The following MAP3K20 variants were observed in gnomAD, a reference collection of about 807,000 sequenced individuals.
MAP3K20 encodes HCCS-4.
In MAP3K20, 40 loss-of-function variants were observed where a neutral mutation model predicts 85.7. The observed-to-expected ratio is 0.47, with a 90% CI of 0.36 to 0.61. The LOEUF is 0.61. Ranked by LOEUF, MAP3K20 falls within the 20% of genes least tolerant of loss-of-function variation. The probability of loss-of-function intolerance (pLI) is 0.00; values close to 1 mark genes in which losing one functional copy is unlikely to be tolerated. For missense variants in MAP3K20, 817 were observed against 961.7 expected (o/e 0.85, Z 1.99); for synonymous variants, 325 against 327.7 (o/e 0.99, Z 0.09).
intron 2 of MAP3K20, among the ~76,000 whole-genome samples, chr2:173,135,930 A>T (rs1688787220): frequency 6.6e-6 from 1 of 152,226 alleles, no homozygotes; most frequent in African/African-American, 2.4e-5. Flanking sequence ...TAGCATATAG[A>T]TTATTAGACT....
chr2:173,162,352 T>C (rs1221476403), intron 2 of MAP3K20, among the ~76,000 whole-genome samples: 1 of 152,042 alleles, frequency 6.6e-6, no homozygotes, highest in East Asian at 1.9e-4. Flanking sequence ...CTCTTCTTTC[T>C]CTTACTGCCA....
intron 2 of MAP3K20, among the ~76,000 whole-genome samples, chr2:173,126,709 C>G (rs919135274): frequency 6.6e-6 from 1 of 152,148 alleles, no homozygotes; most frequent in Non-Finnish European, 1.5e-5. Flanking sequence ...AGAGAATATG[C>G]ATTTCTTATT....
chr2:173,113,838 A>G (rs1293843624), intron 2 of MAP3K20, among the ~76,000 whole-genome samples: 2 of 152,094 alleles, frequency 1.3e-5, no homozygotes, highest in Non-Finnish European at 2.9e-5. Flanking sequence ...AGTTCCATAC[A>G]CTGTTGAATA....
At chr2:173,094,646 C>T (rs1467518238) in intron 2 of MAP3K20, among the ~76,000 whole-genome samples, 1 of 152,082 alleles carries the variant, frequency 6.6e-6, no homozygotes, top group African/African-American at 2.4e-5. Flanking sequence ...TGTATAATGT[C>T]CCTCATTTGG....
At chr2:173,187,395 A>C (rs1245797267) in intron 4 of MAP3K20, among the ~76,000 whole-genome samples, 163 bp from the exon 5 acceptor site, 2 of 152,204 alleles carry the variant, frequency 1.3e-5, no homozygotes, top group African/African-American at 2.4e-5. Context: ...TCACATATAC[A>C]TGTTACTAAT....
intron 11 of MAP3K20, chr2:173,222,390 T>C: frequency 1.0e-6 from 1 of 985,756 alleles, no homozygotes; most frequent in Non-Finnish European, 1.2e-6. Context: ...GAAGGAAAAA[T>C]ACCCTGATTT....
At chr2:173,106,807 A>AGG (rs1687794656) in intron 2 of MAP3K20, among the ~76,000 whole-genome samples, 1 of 152,198 alleles carries the variant, frequency 6.6e-6, no homozygotes, top group Admixed American at 6.5e-5. Flanking sequence ...ACTGGAGTTC[A>AGG]GGTGCTGGAG....
chr2:173,150,590 A>C lies in MAP3K20; in HGVS notation c.160-19215A>C, dbSNP rs370789645. On this transcript the variant is annotated intron_variant, in intron 2 of 19. Coordinates refer to ENST00000375213, the MANE Select transcript of MAP3K20 (RefSeq NM_016653.3). ...TAAAAAAATTTTTTTTCTTTGAGAC[A>C]AAGTCTTGTCCTGTCACCCAGGCTG... Among the ~76,000 whole-genome samples the C allele has an allele frequency of 5.1e-4, 78 of 152,228 alleles. 1 individual carries two copies. The South Asian group carries it at 8.7e-3, about 17-fold the overall frequency.
chr2:173,259,118 G>C (rs575110837), intron 17 of MAP3K20, among the ~76,000 whole-genome samples: 70 of 152,156 alleles, frequency 4.6e-4, no homozygotes, highest in African/African-American at 1.6e-3. Context: ...GGGAAAATGT[G>C]AACGATGAAA....
At chr2:173,118,880 TTAAG>T (rs1390478518) in intron 2 of MAP3K20, among the ~76,000 whole-genome samples, 3 of 152,156 alleles carry the variant, frequency 2.0e-5, no homozygotes, top group African/African-American at 7.2e-5. Context: ...GTAGCTATAA[TTAAG>T]TTTTAGAAGT....
intron 14 of MAP3K20, among the ~76,000 whole-genome samples, chr2:173,235,017 C>T (rs1684614544): frequency 6.6e-6 from 1 of 152,184 alleles, no homozygotes; most frequent in South Asian, 2.1e-4. Context: ...GGTAAGAGGG[C>T]TGTTCTCAGG....
In MAP3K20 at chr2:173,266,647, G is replaced by T. The variant is rs1279830887; in HGVS notation, c.2300G>T (p.Gly767Val). The change falls in exon 20 of 20, where the codon GGC (glycine) becomes GTC (valine). Residue 767 changes from glycine to valine, a missense_variant. Physicochemically the swap from Gly to Val is moderately radical, Grantham distance 109 (BLOSUM62 -3). Transcript: ENST00000375213. ...GAGGACAGCAAAGTCAGCGAAGGGG[G>T]CTGGACAAAAGTGGAATACCGGAAA... is the stretch of plus-strand genomic sequence containing the variant. Reference protein sequence around the residue: ...SEEDSKVSEGGWTKVEYRKKP... With the variant: ...SEEDSKVSEGVWTKVEYRKKP... 6.2e-7 allele frequency: 1 copy of T among 1,613,446 alleles called. No individual in the cohort carries two copies. The highest frequency in any genetic ancestry group is 8.5e-7 in the Non-Finnish European group (1 of 1,179,812).
chr2:173,251,501 A>G (rs1197346144), intron 16 of MAP3K20, among the ~76,000 whole-genome samples: 2 of 152,176 alleles, frequency 1.3e-5, no homozygotes, highest in African/African-American at 2.4e-5. Flanking sequence ...ATAACAGGGT[A>G]AGGCTGCGAG....
At chr2:173,199,695 GT>G (rs149852851) in intron 8 of MAP3K20, among the ~76,000 whole-genome samples, 18,547 of 130,828 alleles carry the variant, frequency 0.14, 1,614 homozygotes, top group African/African-American at 0.28. Context: ...TTTTGTTTTT[GT>G]TTTTTTAGCT....
chr2:173,256,522 T>TAGAC (rs1230285380), intron 16 of MAP3K20, among the ~76,000 whole-genome samples: 1,435 of 76,258 alleles, frequency 0.019, 75 homozygotes, highest in East Asian at 0.18. Flanking sequence ...GATAGATAGA[T>TAGAC]AGATAGATAG....
intron 12 of MAP3K20, among the ~76,000 whole-genome samples, chr2:173,230,360 T>C (rs1684494071): frequency 6.6e-6 from 1 of 152,132 alleles, no homozygotes; most frequent in Non-Finnish European, 1.5e-5. Flanking sequence ...AGGGATGGCC[T>C]CGAGCCATGG....
intron 11 of MAP3K20, among the ~76,000 whole-genome samples, chr2:173,218,912 C>G (rs1376489963): frequency 2.0e-5 from 3 of 152,094 alleles, no homozygotes; most frequent in Admixed American, 2.0e-4. Context: ...GTTTTTAACC[C>G]CACAAAACTT....
chr2:173,263,942 T>G (rs1055564979), intron 19 of MAP3K20, 47 bp downstream of exon 19: 1 of 1,562,448 alleles, frequency 6.4e-7, no homozygotes, highest in African/African-American at 1.4e-5. Flanking sequence ...TCCAGAAACT[T>G]AATTATGACA....
At chr2:173,144,445 AG>A (rs1282025648) in intron 2 of MAP3K20, among the ~76,000 whole-genome samples, 1 of 143,512 alleles carries the variant, frequency 7.0e-6, no homozygotes, top group Non-Finnish European at 1.5e-5. Context: ...CCTGGGCAAC[AG>A]AGGGAGACTC....
Sources: allele counts gnomAD v4.1 joint callset (sites outside exome capture counted in the v4.1 genomes callset), GRCh38; gene constraint gnomAD v4.1.1; transcripts MANE v1.5; gene names NCBI Gene and HGNC (gene_info 2026-07-23, HGNC 2026-07-21).